SHANK2: variants seen among roughly 807,000 people sequenced by gnomAD.
SHANK2 encodes SH3 and multiple ankyrin repeat domains protein 2.
SHANK2 carries 43 observed loss-of-function variants against 133.7 expected under a neutral mutation model. That is an observed-to-expected ratio of 0.32 (90% CI 0.25 to 0.41). The LOEUF is 0.41. Among genes scored for constraint, SHANK2 ranks in the 10% least tolerant of loss-of-function variants. The pLI, the probability that SHANK2 is intolerant of heterozygous loss-of-function variation, is 1.00. For missense variants in SHANK2, 1,994 were observed against 2,235.8 expected (o/e 0.89, Z 2.18); for synonymous variants, 1,017 against 952.8 (o/e 1.07, Z -1.24).
chr11:70,897,760 G>A (rs930178240), intron 10 of SHANK2, among the ~76,000 whole-genome samples: 1 of 152,158 alleles, frequency 6.6e-6, no homozygotes, highest in African/African-American at 2.4e-5. Context: ...TAGGGCATCT[G>A]TAGGCCTCAA....
intron 10 of SHANK2, among the ~76,000 whole-genome samples, chr11:70,928,724 C>T (rs1950462809): frequency 1.3e-5 from 2 of 152,074 alleles, no homozygotes; most frequent in Admixed American, 6.6e-5. Flanking sequence ...ACTTGCAAGC[C>T]GGCCAAGATA....
intron 15 of SHANK2, among the ~76,000 whole-genome samples, chr11:70,683,346 G>A (rs148273142): frequency 2.0e-4 from 30 of 152,128 alleles, no homozygotes; most frequent in African/African-American, 6.7e-4. Context: ...CCACTCTGCC[G>A]TTTCTGTGTA....
intron 10 of SHANK2, among the ~76,000 whole-genome samples, chr11:70,918,918 C>G (rs559483829): frequency 1.3e-5 from 2 of 152,150 alleles, no homozygotes; most frequent in African/African-American, 4.8e-5. Context: ...AATCCCAGCA[C>G]TTTGAGAGGC....
chr11:71,238,941 G>A (rs1214647375), intron 1 of SHANK2, among the ~76,000 whole-genome samples: 8 of 152,218 alleles, frequency 5.3e-5, no homozygotes, highest in African/African-American at 1.2e-4. Context: ...GGTGTTTCTC[G>A]TAAGGTGGGA....
At position 70,807,282 on chromosome 11, in the gene SHANK2, G is replaced by A. The variant is rs534572653; in HGVS notation, c.1494-111C>T. 6 of 660,864 alleles carry A rather than the reference G, an allele frequency of 9.1e-6. No homozygotes were observed. The highest frequency in any genetic ancestry group is 7.7e-5 in the Admixed American group (3 of 38,884). The allele number at this position is 660,864 out of a possible 1,614,324, so 40.9% of individuals were successfully genotyped here. A position where few individuals can be genotyped will look rare whatever the true frequency, so the allele number is the denominator to read the frequency against. On this transcript the variant is annotated intron_variant, in intron 12 of 25. Transcript: ENST00000601538. This position sits in a 1 kb window ranked among gnomAD's most constrained non-coding sequence, Gnocchi z 4.8. ...AACGCATGCTGCGCCTCGGCTGGCC[G>A]CATCAGAACTCCTGATGCCAGACAG...
intron 25 of SHANK2, among the ~76,000 whole-genome samples, chr11:70,484,143 A>C (rs2058771187): frequency 6.6e-6 from 1 of 152,246 alleles, no homozygotes; most frequent in Admixed American, 6.5e-5. Flanking sequence ...AAGGAGAACC[A>C]AGAACCATAA....
chr11:71,124,380 T>G (rs1206420467), intron 3 of SHANK2, among the ~76,000 whole-genome samples: 1 of 150,478 alleles, frequency 6.6e-6, no homozygotes, highest in Non-Finnish European at 1.5e-5. Flanking sequence ...ATGACAGTAG[T>G]GGTGATGATG....
At chr11:70,538,952 G>A (rs2136014825) in intron 17 of SHANK2, among the ~76,000 whole-genome samples, 1 of 152,354 alleles carries the variant, frequency 6.6e-6, no homozygotes, top group Admixed American at 6.5e-5. Context: ...GGGCTAGGAA[G>A]CCTCCTGGGT....
rs782547167 is a variant in SHANK2 at position 71,150,085 on chromosome 11, A to G, written c.-12-2747T>C. Among the ~76,000 whole-genome samples, 18 of 7,436 alleles carry G rather than the reference A, an allele frequency of 2.4e-3. 1 individual carries two copies. The highest frequency in any genetic ancestry group is 2.9e-3 in the Non-Finnish European group (12 of 4,154). 4.9% of individuals were successfully genotyped at this position (7,436 alleles called of 152,430 possible). ...GAGAGGAAAGGAGGGAGGGAGAGGAAGGAAGGGAGGGAGAGGAAGGAAGGG... is the reference window on the plus strand; with the variant it reads ...GAGAGGAAAGGAGGGAGGGAGAGGAGGGAAGGGAGGGAGAGGAAGGAAGGG... On this transcript the variant is annotated intron_variant, in intron 2 of 25. Transcript: ENST00000601538.
At chr11:70,878,781 C>T (rs535751908) in intron 11 of SHANK2, among the ~76,000 whole-genome samples, 1 of 152,318 alleles carries the variant, frequency 6.6e-6, no homozygotes, top group Non-Finnish European at 1.5e-5. Flanking sequence ...GGGCTCAAAG[C>T]AGCTCCCTTC....
In SHANK2 at chr11:70,807,290, A is replaced by G; in HGVS notation, c.1494-119T>C. The G allele has an allele frequency of 1.5e-6, 1 of 657,550 alleles. No individual in the cohort carries two copies. Among genetic ancestry groups the G allele is most frequent in the East Asian group, 2.7e-5 (1 of 36,604 alleles). 40.7% of individuals were successfully genotyped at this position (657,550 alleles called of 1,614,324 possible). On this transcript the variant is annotated intron_variant, in intron 12 of 25. Coordinates refer to ENST00000601538, the MANE Select transcript of SHANK2 (RefSeq NM_012309.5). This position sits in a 1 kb window ranked among gnomAD's most constrained non-coding sequence, Gnocchi z 4.8. The stretch of plus-strand genomic sequence containing the variant: ...CTGCGCCTCGGCTGGCCGCATCAGA[A>G]CTCCTGATGCCAGACAGGAAGATGG...
intron 14 of SHANK2, among the ~76,000 whole-genome samples, chr11:70,702,746 A>G (rs1333332190): frequency 6.6e-6 from 1 of 152,246 alleles, no homozygotes; most frequent in African/African-American, 2.4e-5. Flanking sequence ...CAATATCCCA[A>G]AGTAAGCAGA....
Position 70,493,198 on chromosome 11 carries a change from G to A in SHANK2, c.2309-733C>T, listed in dbSNP as rs150202858. 4.5e-3 allele frequency among the ~76,000 whole-genome samples: 625 copies of A among 139,728 alleles called. 9 individuals are homozygous for A. Among genetic ancestry groups the A allele is most frequent in the African/African-American group, 0.016 (598 of 37,710 alleles). The allele number at this position is 139,728 out of a possible 152,430, so 91.7% of individuals were successfully genotyped here. The stretch of plus-strand genomic sequence containing the variant: ...GTTTGTTTTTGTTTTTTTTTTTGAA[G>A]AGACTCAGACATATGGTTCCTTTGT... On this transcript the variant is annotated intron_variant, in intron 21 of 25. Transcript: ENST00000601538.
At chr11:70,590,907 C>T (rs1554987902) in intron 17 of SHANK2, among the ~76,000 whole-genome samples, 2 of 152,354 alleles carry the variant, frequency 1.3e-5, no homozygotes, top group South Asian at 2.1e-4. Flanking sequence ...GTTAACGAGG[C>T]TCCTCTTGGG....
rs1206476837 is a variant in SHANK2, at chr11:70,739,509, T to C, written c.1778-40746A>G. The stretch of plus-strand genomic sequence containing the variant: ...GGAGGGTGTTTGTGCCTGTGCCTTG[T>C]CTGGGGAACACCTGGATCATGACCT... On this transcript the variant is annotated intron_variant, in intron 14 of 25. Coordinates refer to ENST00000601538, the MANE Select transcript of SHANK2 (RefSeq NM_012309.5). This position sits in a 1 kb window ranked among gnomAD's most constrained non-coding sequence, Gnocchi z 4.3. 2.0e-5 allele frequency among the ~76,000 whole-genome samples: 3 copies of C among 152,184 alleles called. No homozygotes were observed. The highest frequency in any genetic ancestry group is 7.2e-5 in the African/African-American group (3 of 41,450).
intron 12 of SHANK2, among the ~76,000 whole-genome samples, chr11:70,816,464 T>A (rs564438442): frequency 6.6e-6 from 1 of 152,350 alleles, no homozygotes; most frequent in East Asian, 1.9e-4. Flanking sequence ...CTGTCACTTA[T>A]GCTTCTGATG....
chr11:71,145,914 T>C (rs1416856835), intron 3 of SHANK2, among the ~76,000 whole-genome samples: 1 of 152,082 alleles, frequency 6.6e-6, no homozygotes, highest in Non-Finnish European at 1.5e-5. Flanking sequence ...AAAGCTAAAA[T>C]GAGAAGGGTC....
chr11:70,615,076 T>C (rs1262301968), intron 17 of SHANK2, among the ~76,000 whole-genome samples: 1 of 152,236 alleles, frequency 6.6e-6, no homozygotes, highest in South Asian at 2.1e-4. Flanking sequence ...TCTGCAATGC[T>C]TCATGGAAGA....
At chr11:70,662,922 G>GC (rs1365989356) in intron 15 of SHANK2, among the ~76,000 whole-genome samples, 4 of 152,036 alleles carry the variant, frequency 2.6e-5, no homozygotes, top group African/African-American at 9.7e-5. Context: ...AAGGCTACCG[G>GC]CACCCCCCCG....
Sources: gnomAD v4.1 joint callset for allele counts (sites outside exome capture counted in the v4.1 genomes callset) on GRCh38, gnomAD v4.1.1 for gene constraint, Gnocchi (gnomAD v3.1) non-coding constraint, MANE v1.5 for transcripts, NCBI Gene and HGNC (gene_info 2026-07-23, HGNC 2026-07-21) for gene names.